Variants in HS6ST2 observed in about 807,000 individuals in gnomAD.
HS6ST2 encodes heparan-sulfate 6-O-sulfotransferase 2.
Under a neutral mutation model 33.0 loss-of-function variants are expected in HS6ST2, and 17 were observed. That is an observed-to-expected ratio of 0.52 (90% confidence interval 0.35 to 0.77). The LOEUF (loss-of-function observed/expected upper bound fraction) is 0.77, where lower values mean the gene tolerates loss of function less well. Among genes scored for constraint, HS6ST2 ranks in the 30% least tolerant of loss-of-function variants. The pLI is 0.01. For synonymous variants in HS6ST2, 248 were observed against 237.1 expected (o/e 1.05, Z -0.42); for missense variants, 519 against 551.7 (o/e 0.94, Z 0.59).
intron 4 of HS6ST2, among the ~76,000 whole-genome samples, chrX:132,663,023 C>T (rs2063784918): frequency 9.0e-6 from 1 of 111,564 alleles, no homozygotes; most frequent in Admixed American, 9.5e-5. Context: ...GGGCTTGTCA[C>T]GAGCCAGGCA....
chrX:132,915,310 G>A (rs187497555), intron 2 of HS6ST2, among the ~76,000 whole-genome samples: 96 of 112,571 alleles, frequency 8.5e-4, no homozygotes, highest in African/African-American at 2.9e-3. Flanking sequence ...CCAATGACAC[G>A]GGGTTTCTGG....
At chrX:132,786,327 C>G (rs2065060291) in intron 2 of HS6ST2, among the ~76,000 whole-genome samples, 1 of 111,370 alleles carries the variant, frequency 9.0e-6, no homozygotes. Context: ...CCAGGGCCAG[C>G]CTGCTTGCTT....
chrX:132,657,603 G>A (rs1190537008), intron 4 of HS6ST2, among the ~76,000 whole-genome samples: 1 of 108,179 alleles, frequency 9.2e-6, no homozygotes, highest in Non-Finnish European at 1.9e-5. Flanking sequence ...TTTATTTTTT[G>A]TAAGGTCTTT....
chrX:132,830,531 AAAC>A (rs1356276379), intron 2 of HS6ST2, among the ~76,000 whole-genome samples: 1 of 112,182 alleles, frequency 8.9e-6, no homozygotes, highest in Non-Finnish European at 1.9e-5. Context: ...CCTATAATAA[AAAC>A]AAGCATTTTT....
Position 132,628,217 on chromosome X carries a change from A to T in HS6ST2, c.*6T>A. On this transcript the variant is annotated 3_prime_UTR_variant, in exon 5 of 5. Transcript: ENST00000370833. ...GGAGAAGTATGTACAGGCCTTTTTGAGCCATTTAACGCCATTTCTCTACAC... is the reference window on the plus strand; with the variant it reads ...GGAGAAGTATGTACAGGCCTTTTTGTGCCATTTAACGCCATTTCTCTACAC... The T allele has an allele frequency of 8.9e-7, 1 of 1,128,812 alleles. No individual in the cohort carries two copies. Among genetic ancestry groups the T allele is most frequent in the Non-Finnish European group, 1.2e-6 (1 of 842,767 alleles). 93.0% of individuals were successfully genotyped at this position (1,128,812 alleles called of 1,213,427 possible).
rs2067082142 is a variant in HS6ST2, at chrX:132,956,944, C to T, written c.811G>A (p.Gly271Ser). 2 of 1,207,300 alleles carry T rather than the reference C, an allele frequency of 1.7e-6. No individual in the cohort carries two copies. The highest frequency in any genetic ancestry group is 3.6e-5 in the South Asian group (2 of 56,052). The change falls in exon 2 of 5, where the codon GGT (glycine) becomes AGT (serine). Residue 271 changes from glycine (G) to serine (S), a missense_variant. By Grantham distance (56) the Gly-to-Ser change is moderately conservative. Coordinates refer to ENST00000370833, the MANE Select transcript of HS6ST2 (RefSeq NM_001394073.1). Reference sequence around the variant, plus strand: ...GAGAAGAGCCAGGTTTCCCGCTTACCCGGCCGGTGGCAAGTGCATTTCTTC... The same window carrying T: ...GAGAAGAGCCAGGTTTCCCGCTTACTCGGCCGGTGGCAAGTGCATTTCTTC... ...GQKKCTCHRPGKRETWLFSRF... is the reference protein window; with the variant it reads ...GQKKCTCHRPSKRETWLFSRF...
At chrX:132,935,611 G>A (rs780024434) in intron 2 of HS6ST2, among the ~76,000 whole-genome samples, 1 of 111,387 alleles carries the variant, frequency 9.0e-6, no homozygotes, top group African/African-American at 3.3e-5. Context: ...TAAAATAGTT[G>A]AATCATACAA....
intron 3 of HS6ST2, among the ~76,000 whole-genome samples, chrX:132,697,396 G>A (rs917809222): frequency 4.5e-5 from 5 of 111,742 alleles, no homozygotes; most frequent in African/African-American, 9.8e-5. Flanking sequence ...AATTAAGGCC[G>A]GCTCTTCACA....
chrX:132,777,181 C>G (rs1324588125), intron 2 of HS6ST2, among the ~76,000 whole-genome samples: 1 of 105,789 alleles, frequency 9.5e-6, no homozygotes, highest in Non-Finnish European at 1.9e-5. Flanking sequence ...TTATCTAGCT[C>G]AGAATGTCAA....
intron 2 of HS6ST2, among the ~76,000 whole-genome samples, chrX:132,839,862 A>G (rs145282019): frequency 2.4e-3 from 261 of 111,004 alleles, no homozygotes; most frequent in African/African-American, 8.4e-3. Flanking sequence ...CATGTCTGTG[A>G]TCCCAACACT....
At chrX:132,655,000 C>T (rs1029553910) in intron 4 of HS6ST2, among the ~76,000 whole-genome samples, 1 of 112,075 alleles carries the variant, frequency 8.9e-6, no homozygotes, top group Non-Finnish European at 1.9e-5. Context: ...AAGCACATAG[C>T]TTTGTTCCTT....
intron 2 of HS6ST2, among the ~76,000 whole-genome samples, chrX:132,887,413 T>A (rs1353854063): frequency 1.8e-5 from 2 of 112,056 alleles, no homozygotes; most frequent in Non-Finnish European, 3.8e-5. Flanking sequence ...CCATCAATTG[T>A]CATTAGACAT....
chrX:132,677,800 G>C (rs1240785179), intron 3 of HS6ST2, among the ~76,000 whole-genome samples: 1 of 112,062 alleles, frequency 8.9e-6, no homozygotes, highest in African/African-American at 3.2e-5. Context: ...AGCAGCCCTG[G>C]TGTTGTGGAA....
At chrX:132,671,587 G>A (rs1216484155) in intron 3 of HS6ST2, among the ~76,000 whole-genome samples, 1 of 109,582 alleles carries the variant, frequency 9.1e-6, no homozygotes, top group African/African-American at 3.3e-5. Context: ...AGGACATCAG[G>A]GAAAGCTATC....
At chrX:132,729,479 G>A (rs2064433801) in intron 2 of HS6ST2, among the ~76,000 whole-genome samples, 1 of 111,041 alleles carries the variant, frequency 9.0e-6, no homozygotes, top group Non-Finnish European at 1.9e-5. Context: ...ATCATTCAGG[G>A]AGTCCGTAAG....
chrX:132,802,108 C>T (rs958810758), intron 2 of HS6ST2, among the ~76,000 whole-genome samples: 2 of 111,678 alleles, frequency 1.8e-5, no homozygotes, highest in Admixed American at 9.6e-5. Context: ...TTAAATATAT[C>T]AACTCATTAA....
At chrX:132,868,190 G>A (rs1176150278) in intron 2 of HS6ST2, among the ~76,000 whole-genome samples, 1 of 111,573 alleles carries the variant, frequency 9.0e-6, no homozygotes, top group Non-Finnish European at 1.9e-5. Context: ...ACAAAGAAGG[G>A]CATTACATAA....
chrX:132,729,842 T>A (rs2064439167), intron 2 of HS6ST2, among the ~76,000 whole-genome samples: 2 of 110,302 alleles, frequency 1.8e-5, no homozygotes, highest in African/African-American at 6.6e-5. Flanking sequence ...AGGTCCTCAG[T>A]CATTTTTAAG....
At chrX:132,759,176 AG>A (rs2064783554) in intron 2 of HS6ST2, among the ~76,000 whole-genome samples, 1 of 111,843 alleles carries the variant, frequency 8.9e-6, no homozygotes, top group African/African-American at 3.2e-5. Flanking sequence ...ATTTGTTTAT[AG>A]GGGGTTTAGA....
Sources: gnomAD v4.1 joint callset for allele counts (sites outside exome capture counted in the v4.1 genomes callset) on GRCh38, gnomAD v4.1.1 for gene constraint, MANE v1.5 for transcripts, NCBI Gene and HGNC (gene_info 2026-07-23, HGNC 2026-07-21) for gene names.